NADSYN1: variants seen among roughly 807,000 people sequenced by gnomAD.
NADSYN1 encodes the protein NAD synthetase 1.
A neutral mutation model predicts 99.3 loss-of-function variants in NADSYN1; 80 were observed. The ratio of observed to expected loss-of-function variants is 0.81; its 90% CI spans 0.67 to 0.97. The LOEUF (loss-of-function observed/expected upper bound fraction) is 0.97, where lower values mean the gene tolerates loss of function less well. NADSYN1 is among the 50% of genes least tolerant of loss of function. NADSYN1 has a pLI of 0.00. For missense variants in NADSYN1, 859 were observed against 948.5 expected (o/e 0.91, Z 1.24); for synonymous variants, 385 against 372.1 (o/e 1.03, Z -0.40).
At position 71,464,134 on chromosome 11, in the gene NADSYN1, G is replaced by A. The variant is rs926575716; in HGVS notation, c.399G>A (p.Ser133=). The A allele has an allele frequency of 9.9e-6, 16 of 1,608,364 alleles. No homozygotes were observed. Among genetic ancestry groups the A allele is most frequent in the Middle Eastern group, 1.6e-4 (1 of 6,076 alleles). Residue 133 remains serine (S), a synonymous_variant, in exon 5 of 21, where the codon TCG becomes TCA. Transcript: ENST00000319023. Reference sequence around the variant, plus strand: ...AGCTGCGCTGGTTCACCCCGTGGTCGAGGAGTCGGTGAGTCGGGTGCCTGA... The same window carrying A: ...AGCTGCGCTGGTTCACCCCGTGGTCAAGGAGTCGGTGAGTCGGGTGCCTGA... ...YRELRWFTPW[S]RSRHTEEYFL...
intron 3 of NADSYN1, among the ~76,000 whole-genome samples, chr11:71,462,463 G>A (rs935565738): frequency 2.0e-5 from 3 of 152,142 alleles, no homozygotes; most frequent in South Asian, 2.1e-4. Context: ...TTTCCAGTTC[G>A]AGCAGTGCCC....
At position 71,501,286 on chromosome 11, in the gene NADSYN1, A is replaced by G. The variant is rs1383828053; in HGVS notation, c.2071-16A>G. 1 of 1,562,438 alleles carries G rather than the reference A, an allele frequency of 6.4e-7. No homozygotes were observed. The highest frequency in any genetic ancestry group is 1.2e-5 in the South Asian group (1 of 83,820). On this transcript the variant is annotated splice_polypyrimidine_tract_variant and intron_variant, in intron 20 of 20. Coordinates refer to ENST00000319023, the MANE Select transcript of NADSYN1 (RefSeq NM_018161.5). ...CGTCTTTGCGGGGCTGTGGTGTCAC[A>G]GGCCTCTCTTTCCAGGTGCTACAGC...
At chr11:71,461,035 C>T (rs548250461) in intron 3 of NADSYN1, 3 of 152,304 alleles carry the variant, frequency 2.0e-5, no homozygotes, top group African/African-American at 4.8e-5. Context: ...CAATAGTTAC[C>T]TGGTTTTTTG....
rs932570093 is a variant in NADSYN1 at position 71,477,151 on chromosome 11, C to A, written c.799-1244C>A. ...CTGCCGATCACCCCCGTCGGGCCCG[C>A]GTTTCTCAGGGTCTTCCTAATCCCC... is the stretch of plus-strand genomic sequence containing the variant. On this transcript the variant is annotated intron_variant, in intron 9 of 20. Transcript: ENST00000319023. 7.3e-5 allele frequency: 83 copies of A among 1,139,736 alleles called. No homozygotes were observed. The African/African-American group carries it at 1.3e-3, about 18-fold the overall frequency. 70.6% of individuals were successfully genotyped at this position (1,139,736 alleles called of 1,614,324 possible). A position where few individuals can be genotyped will look rare whatever the true frequency, so the allele number is the denominator to read the frequency against.
rs781282042 is a variant in NADSYN1 at position 71,472,434 on chromosome 11, T to G, written c.408-15T>G. On this transcript the variant is annotated splice_polypyrimidine_tract_variant and intron_variant, in intron 5 of 20. Transcript: ENST00000319023. ...GAGATGCTCATCCTCAGCTCCTCGG[T>G]GTTTTCCTCTCCAGGCACACAGAGG... is the stretch of plus-strand genomic sequence containing the variant. 3.1e-6 allele frequency: 5 copies of G among 1,604,022 alleles called. No individual in the cohort carries two copies. Among genetic ancestry groups the G allele is most frequent in the Non-Finnish European group, 4.3e-6 (5 of 1,170,400 alleles).
intron 2 of NADSYN1, among the ~76,000 whole-genome samples, chr11:71,456,746 G>A (rs1184462083): frequency 6.6e-6 from 1 of 152,036 alleles, no homozygotes; most frequent in African/African-American, 2.4e-5. Flanking sequence ...ATCCAGCAGG[G>A]ACAGGGGCCC....
At chr11:71,494,636 C>T (rs773918333) in intron 18 of NADSYN1, among the ~76,000 whole-genome samples, 13 of 152,106 alleles carry the variant, frequency 8.5e-5, no homozygotes, top group East Asian at 7.7e-4. Flanking sequence ...CTGAAACCTC[C>T]GCCTCCCGGG....
chr11:71,498,635 T>C (rs1949836991), intron 20 of NADSYN1, 107 bp downstream of exon 20: 1 of 1,244,948 alleles, frequency 8.0e-7, no homozygotes, highest in Non-Finnish European at 1.1e-6. Flanking sequence ...ACAGTAACTT[T>C]TTTACTGTCC....
chr11:71,498,295 G>C (rs190248113), intron 19 of NADSYN1, 57 bp from the exon 20 acceptor site: 1 of 1,593,080 alleles, frequency 6.3e-7, no homozygotes, highest in Admixed American at 1.7e-5. Context: ...TGGGAATTCC[G>C]GCCTGGGGTC....
chr11:71,488,831 G>C lies in NADSYN1; in HGVS notation c.1563-2014G>C, dbSNP rs1417667988. On this transcript the variant is annotated intron_variant, in intron 16 of 20. Coordinates refer to ENST00000319023, the MANE Select transcript of NADSYN1 (RefSeq NM_018161.5). Reference sequence around the variant, plus strand: ...GCCTAATTTTTTTTGTTTCCACTCTGTTGCCCAGACTGGTCTCCATTTGTT... The same window carrying C: ...GCCTAATTTTTTTTGTTTCCACTCTCTTGCCCAGACTGGTCTCCATTTGTT... 2.6e-5 allele frequency among the ~76,000 whole-genome samples: 4 copies of C among 152,110 alleles called. No homozygotes were observed. In the South Asian group the frequency reaches 6.2e-4, roughly 24 times the overall value.
chr11:71,494,122 A>G (rs1370417168), intron 18 of NADSYN1, among the ~76,000 whole-genome samples: 1 of 152,246 alleles, frequency 6.6e-6, no homozygotes, highest in Non-Finnish European at 1.5e-5. Context: ...GAAAGCCCAC[A>G]GTAGCACAGT....
At chr11:71,492,318 C>G (rs1314770421) in intron 18 of NADSYN1, among the ~76,000 whole-genome samples, 1 of 152,102 alleles carries the variant, frequency 6.6e-6, no homozygotes, top group Non-Finnish European at 1.5e-5. Context: ...TGGCTGTGGG[C>G]TTTTTATGAT....
intron 10 of NADSYN1, chr11:71,479,429 G>C (rs1321203111): frequency 1.3e-5 from 2 of 151,686 alleles, no homozygotes; most frequent in African/African-American, 4.8e-5. Flanking sequence ...AGTTGTATTT[G>C]CCATACCACC....
At chr11:71,474,358 C>G in intron 8 of NADSYN1, 37 bp from the exon 9 acceptor site, 1 of 1,613,190 alleles carries the variant, frequency 6.2e-7, no homozygotes, top group Non-Finnish European at 8.5e-7. Flanking sequence ...GTGGTGGACA[C>G]AGCTGACCAC....
At chr11:71,459,176 C>G (rs1949532910) in intron 3 of NADSYN1, 1 of 160,734 alleles carries the variant, frequency 6.2e-6, no homozygotes, top group Non-Finnish European at 1.3e-5. Flanking sequence ...ATAGCCAGTC[C>G]CTGTGGAGGC....
In NADSYN1 at chr11:71,478,400, C is replaced by T; in HGVS notation, c.804C>T (p.Val268=). 6.2e-7 allele frequency: 1 copy of T among 1,605,782 alleles called. No individual in the cohort carries two copies. Residue 268 remains valine (V), a synonymous_variant, in exon 10 of 21, where the codon GTC becomes GTT. Coordinates refer to ENST00000319023, the MANE Select transcript of NADSYN1 (RefSeq NM_018161.5). ...TTTGAAATTTCCTTCTCCAGGAAGT[C>T]CTGACGGCCACGCTGGATCTGGAGG... ...GSQFSLDDVE[V]LTATLDLEDV... is the part of the protein sequence containing the mutation.
chr11:71,457,669 C>T (rs12794668), intron 2 of NADSYN1, among the ~76,000 whole-genome samples: 80,960 of 151,638 alleles, frequency 0.53, 25,372 homozygotes, highest in Non-Finnish European at 0.74. Context: ...CCTCCGAAGG[C>T]TCTTGGGGAG....
intron 5 of NADSYN1, among the ~76,000 whole-genome samples, chr11:71,466,089 G>T (rs559907348): frequency 8.5e-5 from 13 of 152,090 alleles, no homozygotes; most frequent in Non-Finnish European, 1.5e-4. Context: ...TCATGTTTCT[G>T]CATTTGATTT....
intron 2 of NADSYN1, among the ~76,000 whole-genome samples, chr11:71,457,533 T>G (rs954029139): frequency 2.0e-5 from 3 of 152,210 alleles, no homozygotes; most frequent in African/African-American, 7.2e-5. Flanking sequence ...CACAGATTAT[T>G]GAATTAATTC....
Sources: allele counts gnomAD v4.1 joint callset (sites outside exome capture counted in the v4.1 genomes callset), GRCh38; gene constraint gnomAD v4.1.1; transcripts MANE v1.5; gene names NCBI Gene and HGNC (gene_info 2026-07-23, HGNC 2026-07-21).